The following DLGAP4 variants were observed in gnomAD, a reference collection of about 807,000 sequenced individuals.
DLGAP4 encodes DLG associated protein 4, also known as disks large-associated protein 4.
A neutral mutation model predicts 86.9 loss-of-function variants in DLGAP4; 18 were observed. The observed-to-expected ratio is 0.21, with a 90% CI of 0.14 to 0.31. The LOEUF is 0.31. Ranked by LOEUF, DLGAP4 falls within the 10% of genes least tolerant of loss-of-function variation. The pLI, the probability that DLGAP4 is intolerant of heterozygous loss-of-function variation, is 1.00. For synonymous variants in DLGAP4, 548 were observed against 574.3 expected, an observed-to-expected ratio of 0.95 and a Z score of 0.65; for missense variants, 1,085 against 1,362.6, an observed-to-expected ratio of 0.80 and a Z score of 3.21.
rs2036010815 is a variant in DLGAP4, at chr20:36,499,147, A to G, written c.2011-441A>G. On this transcript the variant is annotated intron_variant, in intron 8 of 12. Transcript: ENST00000339266. ...TGCCTCAAGACAGCCGCCAGCTTCAACTACACCAGATAACGGCTGTGGCTT... is the reference window on the plus strand; with the variant it reads ...TGCCTCAAGACAGCCGCCAGCTTCAGCTACACCAGATAACGGCTGTGGCTT... The G allele has an allele frequency of 1.8e-5, 23 of 1,257,522 alleles. 1 individual carries two copies. The South Asian group carries it at 2.8e-4, about 15-fold the overall frequency. The allele number at this position is 1,257,522 out of a possible 1,614,324, so 77.9% of individuals were successfully genotyped here.
intron 7 of DLGAP4, chr20:36,461,801 C>T (rs1324014394): frequency 1.0e-6 from 1 of 978,614 alleles, no homozygotes; most frequent in Non-Finnish European, 1.2e-6. Context: ...CGCCAGTCCT[C>T]CAGCCCGTGT....
At chr20:36,375,198 T>C (rs1453137331) in intron 2 of DLGAP4, among the ~76,000 whole-genome samples, 1 of 152,176 alleles carries the variant, frequency 6.6e-6, no homozygotes, top group Admixed American at 6.5e-5. Flanking sequence ...CCTTGTCTCC[T>C]GCCACCCTGC....
rs1455985507 is a variant in DLGAP4 at position 36,308,028 on chromosome 20, A to G, written c.-304+1516A>G. Among the ~76,000 whole-genome samples the G allele has an allele frequency of 6.6e-6, 1 of 152,076 alleles. No individual in the cohort carries two copies. Among genetic ancestry groups the G allele is most frequent in the South Asian group, 2.1e-4 (1 of 4,820 alleles). On this transcript the variant is annotated intron_variant, in intron 1 of 12. Transcript: ENST00000339266. This position sits in a 1 kb window ranked among gnomAD's most constrained non-coding sequence, Gnocchi z 4.5. ...GGCCGATGGGTGGCTGGAGTGTTGG[A>G]GCCACCACCAGGCCCTAGAGCCGGC...
chr20:36,526,487 T>G (rs1332003582), intron 12 of DLGAP4, among the ~76,000 whole-genome samples: 1 of 152,004 alleles, frequency 6.6e-6, no homozygotes, highest in Non-Finnish European at 1.5e-5. Context: ...AAGCCCTAAA[T>G]TTGTCTCTGA....
At chr20:36,341,906 G>C (rs1555892542) in intron 1 of DLGAP4, among the ~76,000 whole-genome samples, 3 of 152,214 alleles carry the variant, frequency 2.0e-5, no homozygotes, top group African/African-American at 4.8e-5. Context: ...CTTCCTGCAG[G>C]CTGGCAGAGC....
At chr20:36,321,606 G>A (rs2065169349) in intron 1 of DLGAP4, among the ~76,000 whole-genome samples, 3 of 152,262 alleles carry the variant, frequency 2.0e-5, no homozygotes, top group South Asian at 4.1e-4. Context: ...ATCTGCGCCC[G>A]AGTCTAGGAG....
intron 2 of DLGAP4, among the ~76,000 whole-genome samples, chr20:36,390,248 C>T (rs996620020): frequency 5.3e-5 from 8 of 152,244 alleles, no homozygotes; most frequent in East Asian, 1.9e-4. Flanking sequence ...TGAGAAGGAG[C>T]GTCGTCCACA....
chr20:36,497,516 GCCAGGGGCCCAGGAC>G, intron 8 of DLGAP4: 1 of 995,834 alleles, frequency 1.0e-6, no homozygotes, highest in Non-Finnish European at 1.2e-6. Context: ...ACGCTGTTGG[GCCAGGGGCCCAGGAC>G]CCAGGGCCCT....
At chr20:36,474,041 T>C (rs1358215780) in intron 7 of DLGAP4, among the ~76,000 whole-genome samples, 1 of 152,272 alleles carries the variant, frequency 6.6e-6, no homozygotes, top group African/African-American at 2.4e-5. Context: ...AATACCTGAC[T>C]GTAGTCCAGC....
chr20:36,374,032 C>CAAAAAAAA (rs11472489), intron 2 of DLGAP4, among the ~76,000 whole-genome samples: 3 of 115,646 alleles, frequency 2.6e-5, no homozygotes, highest in Non-Finnish European at 3.5e-5. Context: ...GAGACTGTCT[C>CAAAAAAAA]AAAAAAAAAA....
chr20:36,430,648 CAAAA>C (rs5841233), intron 2 of DLGAP4, among the ~76,000 whole-genome samples: 3 of 58,966 alleles, frequency 5.1e-5, no homozygotes, highest in Non-Finnish European at 6.5e-5. Flanking sequence ...GACCTTGTTG[CAAAA>C]AAAAAAAAAA....
intron 10 of DLGAP4, among the ~76,000 whole-genome samples, chr20:36,520,062 T>C (rs1187438234): frequency 6.6e-6 from 1 of 151,748 alleles, no homozygotes; most frequent in Non-Finnish European, 1.5e-5. Context: ...CCTAAAGTTC[T>C]GGGATTACAG....
intron 7 of DLGAP4, among the ~76,000 whole-genome samples, chr20:36,463,585 G>A (rs909748355): frequency 6.6e-6 from 1 of 152,224 alleles, no homozygotes; most frequent in African/African-American, 2.4e-5. Flanking sequence ...CTTGTTCTTT[G>A]TTAGTCCGTT....
At chr20:36,328,224 A>T (rs2065235447) in intron 1 of DLGAP4, among the ~76,000 whole-genome samples, 1 of 151,988 alleles carries the variant, frequency 6.6e-6, no homozygotes, top group African/African-American at 2.4e-5. Context: ...ATAAAAAATA[A>T]AAATTCTAAA....
At chr20:36,502,925 G>C (rs1197495380) in intron 10 of DLGAP4, among the ~76,000 whole-genome samples, 1 of 151,986 alleles carries the variant, frequency 6.6e-6, no homozygotes, top group Non-Finnish European at 1.5e-5. Flanking sequence ...GGGTTTCACT[G>C]TGTTGGCCAG....
Position 36,499,434 on chromosome 20 carries a change from C to T in DLGAP4, c.2011-154C>T, listed in dbSNP as rs575883672. ...TGCCCGGCTTAACCTGGTCCGGCCT[C>T]GGGCCCACGTGCAGTGTCCGCATGC... is the stretch of plus-strand genomic sequence containing the variant. On this transcript the variant is annotated intron_variant, in intron 8 of 12. Coordinates refer to ENST00000339266, the MANE Select transcript of DLGAP4 (RefSeq NM_001365621.2). 49 of 1,398,870 alleles carry T rather than the reference C, an allele frequency of 3.5e-5. No individual in the cohort carries two copies. The Middle Eastern group carries it at 8.0e-4, about 23-fold the overall frequency. 86.7% of individuals were successfully genotyped at this position (1,398,870 alleles called of 1,614,324 possible).
chr20:36,337,225 A>T (rs2065331559), intron 1 of DLGAP4, among the ~76,000 whole-genome samples: 1 of 152,190 alleles, frequency 6.6e-6, no homozygotes, highest in Non-Finnish European at 1.5e-5. Context: ...GGCTCACTTC[A>T]GCCCTGAGGG....
At chr20:36,443,434 G>A (rs943914189) in intron 6 of DLGAP4, among the ~76,000 whole-genome samples, 3 of 152,110 alleles carry the variant, frequency 2.0e-5, no homozygotes, top group Non-Finnish European at 2.9e-5. Context: ...CCAGGAGTGG[G>A]TAAGGGACTT....
intron 2 of DLGAP4, among the ~76,000 whole-genome samples, chr20:36,415,730 C>G (rs2032634333): frequency 1.3e-5 from 2 of 152,196 alleles, no homozygotes; most frequent in African/African-American, 4.8e-5. Context: ...TTCCCAGCCT[C>G]CACGCCATAC....
Sources: gnomAD v4.1 joint callset for allele counts (sites outside exome capture counted in the v4.1 genomes callset) on GRCh38, gnomAD v4.1.1 for gene constraint, Gnocchi (gnomAD v3.1) non-coding constraint, MANE v1.5 for transcripts, NCBI Gene and HGNC (gene_info 2026-07-23, HGNC 2026-07-21) for gene names.